GNG7: variants seen among roughly 807,000 people sequenced by gnomAD.
The protein encoded by GNG7 is G protein subunit gamma 7, also known as guanine nucleotide-binding protein G(I)/G(S)/G(O) subunit gamma-7.
A neutral mutation model predicts 4.0 loss-of-function variants in GNG7; 1 was observed. That is an observed-to-expected ratio of 0.25 (90% CI 0.09 to 1.18). The LOEUF (loss-of-function observed/expected upper bound fraction) is 1.18, where lower values mean the gene tolerates loss of function less well. Among genes scored for constraint, GNG7 ranks in the 50% most tolerant of loss-of-function variants. GNG7 has a pLI of 0.50. For synonymous variants in GNG7, 34 were observed against 36.9 expected (o/e 0.92, Z 0.29); for missense variants, 86 against 91.9 (o/e 0.94, Z 0.26).
chr19:2,692,392 T>C (rs1183790425), intron 1 of GNG7, among the ~76,000 whole-genome samples: 7 of 151,896 alleles, frequency 4.6e-5, no homozygotes, highest in Admixed American at 3.3e-4. Flanking sequence ...TCCCAGCACT[T>C]TGGGAGGCCG....
intron 1 of GNG7, among the ~76,000 whole-genome samples, chr19:2,693,627 G>A (rs986512810): frequency 3.9e-5 from 6 of 151,972 alleles, no homozygotes; most frequent in African/African-American, 1.2e-4. Flanking sequence ...TCTGGGGTGC[G>A]GCCATCCTGG....
At chr19:2,671,525 C>T (rs1255127108) in intron 1 of GNG7, among the ~76,000 whole-genome samples, 1 of 152,088 alleles carries the variant, frequency 6.6e-6, no homozygotes, top group African/African-American at 2.4e-5. Context: ...AGGAGCCAGG[C>T]AGGGGAACGT....
In GNG7 at chr19:2,639,189, G is replaced by A. The variant is rs185768068; in HGVS notation, c.-78+7035C>T. Among the ~76,000 whole-genome samples the A allele has an allele frequency of 6.9e-3, 1,043 of 151,244 alleles. 9 individuals carry two copies. Among genetic ancestry groups the A allele is most frequent in the South Asian group, 0.031 (147 of 4,780 alleles). On this transcript the variant is annotated intron_variant, in intron 2 of 4. Transcript: ENST00000382159. Reference sequence around the variant, plus strand: ...GAGGAGGTGGCAGTGAACCAAGATCGCGCCACTGCACTCCAGCCTGGACAA... The same window carrying A: ...GAGGAGGTGGCAGTGAACCAAGATCACGCCACTGCACTCCAGCCTGGACAA...
intron 2 of GNG7, among the ~76,000 whole-genome samples, chr19:2,562,873 C>T (rs920106277): frequency 2.6e-5 from 4 of 152,212 alleles, no homozygotes; most frequent in African/African-American, 4.8e-5. Context: ...CTCTGGTTTA[C>T]ACCATCGGCC....
chr19:2,601,735 G>A (rs865888652), intron 2 of GNG7, among the ~76,000 whole-genome samples: 6 of 151,368 alleles, frequency 4.0e-5, no homozygotes, highest in African/African-American at 1.2e-4. Flanking sequence ...GCAACATGGC[G>A]AGACCCTGTC....
At chr19:2,522,372 T>G (rs1978314238) in intron 3 of GNG7, among the ~76,000 whole-genome samples, 1 of 152,166 alleles carries the variant, frequency 6.6e-6, no homozygotes, top group Non-Finnish European at 1.5e-5. Flanking sequence ...AGCCGCACCC[T>G]GTCTCTGTCA....
At chr19:2,699,666 G>A (rs1913353572) in intron 1 of GNG7, among the ~76,000 whole-genome samples, 3 of 152,150 alleles carry the variant, frequency 2.0e-5, no homozygotes. Flanking sequence ...CAGGACGCTG[G>A]GTGATATCCG....
At chr19:2,603,516 C>T (rs780591184) in intron 2 of GNG7, among the ~76,000 whole-genome samples, 1 of 152,250 alleles carries the variant, frequency 6.6e-6, no homozygotes, top group East Asian at 1.9e-4. Context: ...CAGAGTAGCC[C>T]GAGGAATCCA....
chr19:2,588,420 A>AACGC (rs1054772556), intron 2 of GNG7, among the ~76,000 whole-genome samples: 1 of 152,230 alleles, frequency 6.6e-6, no homozygotes, highest in African/African-American at 2.4e-5. Context: ...AACAGACCTT[A>AACGC]ACGCACGTCA....
chr19:2,672,401 C>T (rs1207192616), intron 1 of GNG7, among the ~76,000 whole-genome samples: 1 of 152,068 alleles, frequency 6.6e-6, no homozygotes, highest in African/African-American at 2.4e-5. Flanking sequence ...AGCAATCCTC[C>T]TGCTTCAGCC....
rs34865250 is a variant in GNG7 at position 2,514,968 on chromosome 19, CAGAGAG to C, written c.*48_*53del. On this transcript the variant is annotated 3_prime_UTR_variant, in exon 5 of 5. Coordinates refer to ENST00000382159, the MANE Select transcript of GNG7 (RefSeq NM_052847.3). ...GCCCTGCCTGAGACAGAGACAGAGA[CAGAGAG>C]AGAGAGAGAGAAAGAGAGAGAGAGA... The C allele has an allele frequency of 4.9e-5, 61 of 1,238,748 alleles. No individual in the cohort carries two copies. The African/African-American group carries it at 6.0e-4, about 12-fold the overall frequency. 76.7% of individuals were successfully genotyped at this position (1,238,748 alleles called of 1,614,324 possible).
intron 3 of GNG7, among the ~76,000 whole-genome samples, chr19:2,540,489 G>A (rs947743309): frequency 2.0e-5 from 3 of 152,192 alleles, no homozygotes; most frequent in African/African-American, 7.2e-5. Context: ...CCCTTAGCCC[G>A]ACGGCGTGCC....
intron 2 of GNG7, among the ~76,000 whole-genome samples, chr19:2,579,787 G>A (rs1182245054): frequency 1.3e-5 from 2 of 152,212 alleles, no homozygotes; most frequent in South Asian, 2.1e-4. Context: ...CTGTGGATGG[G>A]TGTCCTGGGG....
At chr19:2,547,217 C>T (rs780000995) in intron 3 of GNG7, among the ~76,000 whole-genome samples, 6 of 152,080 alleles carry the variant, frequency 3.9e-5, no homozygotes, top group African/African-American at 4.8e-5. Flanking sequence ...CCTGGACGTT[C>T]GTTGTGTCCT....
Position 2,522,751 on chromosome 19 carries a change from C to CA in GNG7, c.-37-2027dup, listed in dbSNP as rs59490251. On this transcript the variant is annotated intron_variant, in intron 3 of 4. Coordinates refer to ENST00000382159, the MANE Select transcript of GNG7 (RefSeq NM_052847.3). ...TGGGGGACAGAGTGAGACTCTGTCT[C>CA]AAAAAAAAAAAAAAAAAAAAAAAAA... 2.3e-3 allele frequency among the ~76,000 whole-genome samples: 101 copies of CA among 43,894 alleles called. 2 individuals carry two copies. Among genetic ancestry groups the CA allele is most frequent in the African/African-American group, 9.1e-3 (94 of 10,302 alleles). The allele number at this position is 43,894 out of a possible 152,430, so 28.8% of individuals were successfully genotyped here.
chr19:2,582,985 T>C (rs1980547436), intron 2 of GNG7, among the ~76,000 whole-genome samples: 1 of 152,136 alleles, frequency 6.6e-6, no homozygotes, highest in Admixed American at 6.6e-5. Context: ...TTAAATATTT[T>C]TGTAGAGATG....
chr19:2,617,090 C>T lies in GNG7; in HGVS notation c.-78+29134G>A, dbSNP rs753142915. 5.3e-5 allele frequency among the ~76,000 whole-genome samples: 8 copies of T among 152,218 alleles called. No individual in the cohort carries two copies. Among genetic ancestry groups the T allele is most frequent in the Non-Finnish European group, 8.8e-5 (6 of 68,042 alleles). On this transcript the variant is annotated intron_variant, in intron 2 of 4. Coordinates refer to ENST00000382159, the MANE Select transcript of GNG7 (RefSeq NM_052847.3). The surrounding 1 kb of genome is among the most constrained non-coding windows in gnomAD (Gnocchi z 4.7). ...AGCTTATTTCAGCCTAATTACATTC[C>T]GTTAACCCAAAGTCTCTGACGTTCA... is the stretch of plus-strand genomic sequence containing the variant.
chr19:2,608,166 G>A (rs1194676010), intron 2 of GNG7, among the ~76,000 whole-genome samples: 1 of 152,052 alleles, frequency 6.6e-6, no homozygotes. Flanking sequence ...AGCGTGGCAC[G>A]TCGGTTTCAC....
intron 1 of GNG7, among the ~76,000 whole-genome samples, chr19:2,651,747 G>T (rs1244204838): frequency 6.6e-6 from 1 of 151,574 alleles, no homozygotes; most frequent in Non-Finnish European, 1.5e-5. Context: ...TGTAGTTTTT[G>T]TAGAGATGGT....
Sources: gnomAD v4.1 joint callset for allele counts (sites outside exome capture counted in the v4.1 genomes callset) on GRCh38, gnomAD v4.1.1 for gene constraint, Gnocchi (gnomAD v3.1) non-coding constraint, MANE v1.5 for transcripts, NCBI Gene and HGNC (gene_info 2026-07-23, HGNC 2026-07-21) for gene names.